The following COL8A1 variants were observed in gnomAD, a reference collection of about 807,000 sequenced individuals.
COL8A1 encodes collagen alpha-1(VIII) chain.
COL8A1 carries 21 observed loss-of-function variants against 42.7 expected under a neutral mutation model. The ratio of observed to expected loss-of-function variants is 0.49; its 90% CI spans 0.35 to 0.71. The LOEUF (loss-of-function observed/expected upper bound fraction) is 0.71, where lower values mean the gene tolerates loss of function less well. Among genes scored for constraint, COL8A1 ranks in the 30% least tolerant of loss-of-function variants. COL8A1 has a pLI of 0.01. For synonymous variants in COL8A1, 367 were observed against 369.1 expected, an observed-to-expected ratio of 0.99 and a Z score of 0.06; for missense variants, 788 against 962.4, an observed-to-expected ratio of 0.82 and a Z score of 2.40.
chr3:99,692,320 G>A (rs2036984), intron 1 of COL8A1, among the ~76,000 whole-genome samples: 20,906 of 152,238 alleles, frequency 0.14, 1,658 homozygotes, highest in African/African-American at 0.21. Context: ...AACCAAGTAT[G>A]TCTCAAACAA....
intron 1 of COL8A1, among the ~76,000 whole-genome samples, chr3:99,722,832 T>G (rs187733231): frequency 6.6e-6 from 1 of 152,176 alleles, no homozygotes; most frequent in Admixed American, 6.6e-5. Flanking sequence ...ATTCCAACAT[T>G]CTTATAGACT....
chr3:99,656,498 A>AG (rs887994374), intron 1 of COL8A1, among the ~76,000 whole-genome samples: 1 of 152,102 alleles, frequency 6.6e-6, no homozygotes, highest in African/African-American at 2.4e-5. Flanking sequence ...TAAGAAGAAA[A>AG]AAAAAAAAAA....
At chr3:99,776,861 G>A (rs539308322) in intron 2 of COL8A1, among the ~76,000 whole-genome samples, 91 of 152,286 alleles carry the variant, frequency 6.0e-4, no homozygotes, top group Admixed American at 1.1e-3. Flanking sequence ...TTTTTAGACC[G>A]TATAGTGTAA....
intron 2 of COL8A1, among the ~76,000 whole-genome samples, chr3:99,755,140 C>G (rs1202759020): frequency 1.3e-5 from 2 of 152,034 alleles, no homozygotes; most frequent in East Asian, 3.9e-4. Flanking sequence ...GATATTGACA[C>G]ACAGAAGTGT....
At chr3:99,739,051 C>G (rs912142703) in intron 1 of COL8A1, among the ~76,000 whole-genome samples, 67 of 152,320 alleles carry the variant, frequency 4.4e-4, no homozygotes, top group African/African-American at 1.6e-3. Context: ...CTTGCGCTTC[C>G]CAAGTGAGGC....
At chr3:99,644,062 G>C (rs530989983) in intron 1 of COL8A1, among the ~76,000 whole-genome samples, 2 of 152,284 alleles carry the variant, frequency 1.3e-5, no homozygotes, top group Admixed American at 1.3e-4. Flanking sequence ...GTGAAGCTAA[G>C]AGAGTTTATT....
chr3:99,691,070 T>C (rs1248150862), intron 1 of COL8A1, among the ~76,000 whole-genome samples: 1 of 152,174 alleles, frequency 6.6e-6, no homozygotes, highest in East Asian at 1.9e-4. Flanking sequence ...TGTATGCAAG[T>C]TCTGCAGGGC....
At position 99,797,155 on chromosome 3, in the gene COL8A1, AACCACAG is replaced by A. The variant is rs1942121690; in HGVS notation, c.*1020_*1026del. Reference sequence around the variant, plus strand: ...ATTCTCCTCCTTTGACTACACACACAACCACAGTGTGGTTCTAATCATGGAGATATCA... The same window carrying A: ...ATTCTCCTCCTTTGACTACACACACATGTGGTTCTAATCATGGAGATATCA... On this transcript the variant is annotated 3_prime_UTR_variant, in exon 4 of 4. Transcript: ENST00000652472. The A allele has an allele frequency of 6.6e-6, 1 of 152,336 alleles. No individual in the cohort carries two copies. Among genetic ancestry groups the A allele is most frequent in the Admixed American group, 6.5e-5 (1 of 15,308 alleles). 9.4% of individuals were successfully genotyped at this position (152,336 alleles called of 1,614,324 possible). A position where few individuals can be genotyped will look rare whatever the true frequency, so the allele number is the denominator to read the frequency against.
At position 99,796,252 on chromosome 3, in the gene COL8A1, A is replaced by G; in HGVS notation, c.*116A>G. 1.2e-6 allele frequency: 1 copy of G among 863,910 alleles called. No homozygotes were observed. Among genetic ancestry groups the G allele is most frequent in the Non-Finnish European group, 1.7e-6 (1 of 599,232 alleles). 53.5% of individuals were successfully genotyped at this position (863,910 alleles called of 1,614,324 possible). A position where few individuals can be genotyped will look rare whatever the true frequency, so the allele number is the denominator to read the frequency against. ...AAAACACTTACACAGTTGGAAAGTTATATGTAAGTGAAAATTTGGACCATT... is the reference window on the plus strand; with the variant it reads ...AAAACACTTACACAGTTGGAAAGTTGTATGTAAGTGAAAATTTGGACCATT... On this transcript the variant is annotated 3_prime_UTR_variant, in exon 4 of 4. Transcript: ENST00000652472.
chr3:99,776,914 T>C (rs1035788793), intron 2 of COL8A1, among the ~76,000 whole-genome samples: 2 of 152,182 alleles, frequency 1.3e-5, no homozygotes, highest in African/African-American at 2.4e-5. Flanking sequence ...ATGGTGCTCG[T>C]GGGAGTGTCC....
intron 1 of COL8A1, among the ~76,000 whole-genome samples, chr3:99,723,660 A>T (rs1417589114): frequency 1.3e-5 from 2 of 152,126 alleles, no homozygotes; most frequent in African/African-American, 4.8e-5. Flanking sequence ...TCCTTCTGTC[A>T]GTTGGTTACA....
intron 2 of COL8A1, among the ~76,000 whole-genome samples, chr3:99,788,696 G>T (rs115495652): frequency 1.4e-4 from 21 of 152,228 alleles, no homozygotes; most frequent in Non-Finnish European, 2.2e-4. Context: ...TTGTTTAGAT[G>T]CACATAACTA....
chr3:99,714,012 A>G (rs1033584262), intron 1 of COL8A1, among the ~76,000 whole-genome samples: 5 of 152,110 alleles, frequency 3.3e-5, no homozygotes, highest in Non-Finnish European at 7.4e-5. Context: ...GTTAACACTT[A>G]AAAATCAAGG....
At chr3:99,670,471 T>C (rs1418728404) in intron 1 of COL8A1, among the ~76,000 whole-genome samples, 7 of 152,070 alleles carry the variant, frequency 4.6e-5, no homozygotes, top group Non-Finnish European at 1.0e-4. Context: ...CCCTTTTTCT[T>C]ATTATTAATA....
chr3:99,796,125 T>A lies in COL8A1; in HGVS notation c.2224T>A (p.Tyr742Asn). Residue 742 changes from tyrosine (Y) to asparagine (N), a missense_variant, in exon 4 of 4, where the codon TAT (tyrosine) becomes AAT (asparagine). Around this residue, in one of 4 missense-constraint regions of COL8A1, gnomAD observed 212 missense variants for 210.9 expected, o/e 1.00. Transcript: ENST00000652472. ...VHSSFSGYLL[Y>N]PM ...CTCCTCCTTTTCAGGATATTTATTG[T>A]ATCCCATGTAAAAACAAAAAAACAA... 1 of 1,479,884 alleles carries A rather than the reference T, an allele frequency of 6.8e-7. No individual in the cohort carries two copies. The highest frequency in any genetic ancestry group is 9.0e-7 in the Non-Finnish European group (1 of 1,111,314). The allele number at this position is 1,479,884 out of a possible 1,614,324, so 91.7% of individuals were successfully genotyped here.
chr3:99,653,858 G>C (rs1036721060), intron 1 of COL8A1, among the ~76,000 whole-genome samples: 1 of 151,994 alleles, frequency 6.6e-6, no homozygotes, highest in Non-Finnish European at 1.5e-5. Context: ...GTTCTCTAGA[G>C]GGACAGAGCT....
chr3:99,759,130 C>G (rs1293345558), intron 2 of COL8A1, among the ~76,000 whole-genome samples: 4 of 146,418 alleles, frequency 2.7e-5, no homozygotes, highest in African/African-American at 1.0e-4. Context: ...TAAGCAGTTA[C>G]CTCTATCTAA....
At chr3:99,680,683 C>T (rs1163319204) in intron 1 of COL8A1, among the ~76,000 whole-genome samples, 1 of 152,152 alleles carries the variant, frequency 6.6e-6, no homozygotes, top group Admixed American at 6.5e-5. Context: ...TTAATGATTG[C>T]CATTCTAACT....
At chr3:99,724,359 T>C (rs1940241053) in intron 1 of COL8A1, among the ~76,000 whole-genome samples, 1 of 152,206 alleles carries the variant, frequency 6.6e-6, no homozygotes, top group Non-Finnish European at 1.5e-5. Flanking sequence ...CTGCATTTAT[T>C]TGCATGCTTT....
Sources: allele counts gnomAD v4.1 joint callset (sites outside exome capture counted in the v4.1 genomes callset), GRCh38; gene constraint gnomAD v4.1.1; regional missense constraint gnomAD v4.1.1; transcripts MANE v1.5; gene names NCBI Gene and HGNC (gene_info 2026-07-23, HGNC 2026-07-21).